CSMD1: variants seen among roughly 807,000 people sequenced by gnomAD.
The protein encoded by CSMD1 is CUB and Sushi multiple domains 1, also known as CUB and sushi domain-containing protein 1.
Under a neutral mutation model 417.5 loss-of-function variants are expected in CSMD1, and 213 were observed. The observed-to-expected ratio is 0.51, with a 90% confidence interval of 0.46 to 0.57. CSMD1 has a LOEUF of 0.57. CSMD1 is among the 20% of genes least tolerant of loss of function. The probability of loss-of-function intolerance (pLI) is 0.00; values close to 1 mark genes in which losing one functional copy is unlikely to be tolerated. For synonymous variants in CSMD1, 2,862 were observed against 1,736.8 expected, an observed-to-expected ratio of 1.65 and a Z score of -16.11; for missense variants, 6,923 against 4,529.7, an observed-to-expected ratio of 1.53 and a Z score of -15.17.
intron 1 of CSMD1, among the ~76,000 whole-genome samples, chr8:4,755,492 A>G (rs766685849): frequency 3.9e-5 from 6 of 152,106 alleles, no homozygotes; most frequent in Non-Finnish European, 4.4e-5. Context: ...TATTTTTGGC[A>G]TAACGTTAAA....
chr8:3,823,821 T>C (rs1445162037), intron 5 of CSMD1, among the ~76,000 whole-genome samples: 1 of 152,174 alleles, frequency 6.6e-6, no homozygotes, highest in African/African-American at 2.4e-5. Context: ...GACTTGATCA[T>C]AAAGATGGTA....
intron 3 of CSMD1, among the ~76,000 whole-genome samples, chr8:4,033,559 T>C (rs559393645): frequency 1.2e-3 from 189 of 152,324 alleles, no homozygotes; most frequent in African/African-American, 3.9e-3. Context: ...AGTGTATTGA[T>C]TGATGTCTTA....
In CSMD1 at chr8:4,747,062, C is replaced by G. The variant is rs114636568; in HGVS notation, c.86-109504G>C. 9.2e-5 allele frequency among the ~76,000 whole-genome samples: 14 copies of G among 152,218 alleles called. No homozygotes were observed. The East Asian group carries it at 2.7e-3, about 30-fold the overall frequency. ...GGGCCTCCCCACCAGAATGGATCAC[C>G]ATCCTCTGGGGCTAGAGCTGCCTGC... On this transcript the variant is annotated intron_variant, in intron 1 of 69. Coordinates refer to ENST00000635120, the MANE Select transcript of CSMD1 (RefSeq NM_033225.6).
intron 3 of CSMD1, among the ~76,000 whole-genome samples, chr8:4,322,315 G>A (rs557477364): frequency 6.8e-6 from 1 of 147,064 alleles, no homozygotes; most frequent in East Asian, 2.1e-4. Context: ...CATATTTGAA[G>A]AGAGTACTTT....
At chr8:3,480,894 C>T (rs13280581) in intron 11 of CSMD1, among the ~76,000 whole-genome samples, 70,820 of 151,630 alleles carry the variant, frequency 0.47, 17,007 homozygotes, top group Non-Finnish European at 0.53. Flanking sequence ...CAATGGCTCA[C>T]GCCTGTAATC....
intron 5 of CSMD1, among the ~76,000 whole-genome samples, chr8:3,844,578 G>A (rs760080477): frequency 6.6e-6 from 1 of 152,106 alleles, no homozygotes; most frequent in African/African-American, 2.4e-5. Context: ...AATAACTAGA[G>A]GCCAATGTCA....
intron 2 of CSMD1, among the ~76,000 whole-genome samples, chr8:4,606,055 G>A (rs1274010375): frequency 6.6e-6 from 1 of 152,170 alleles, no homozygotes; most frequent in Non-Finnish European, 1.5e-5. Flanking sequence ...TATTTTGGAA[G>A]CCTGAGAAGG....
intron 12 of CSMD1, among the ~76,000 whole-genome samples, chr8:3,437,206 C>G (rs1472652403): frequency 6.6e-6 from 1 of 152,106 alleles, no homozygotes; most frequent in South Asian, 2.1e-4. Context: ...CATAAAAATC[C>G]TGTCTGTTGC....
chr8:4,723,202 T>C (rs1023643237), intron 1 of CSMD1, among the ~76,000 whole-genome samples: 12 of 152,130 alleles, frequency 7.9e-5, no homozygotes, highest in East Asian at 7.7e-4. Context: ...CAGGAAGTCA[T>C]AGAGTATAAC....
chr8:4,773,870 C>A (rs1796717092), intron 1 of CSMD1, among the ~76,000 whole-genome samples: 1 of 152,078 alleles, frequency 6.6e-6, no homozygotes, highest in Non-Finnish European at 1.5e-5. Context: ...CTCACCAGTG[C>A]CCAAACTATT....
At chr8:3,573,229 G>C (rs1174748438) in intron 10 of CSMD1, among the ~76,000 whole-genome samples, 2 of 152,154 alleles carry the variant, frequency 1.3e-5, no homozygotes, top group African/African-American at 2.4e-5. Flanking sequence ...TAAGGTAAAT[G>C]CTATTACTAT....
In CSMD1 at chr8:4,312,646, G is replaced by T. The variant is rs189568185; in HGVS notation, c.415+107307C>A. Reference sequence around the variant, plus strand: ...AATCCCAACACTTTGGGAGGCCGAGGTGAGTGGATCACCTGAGGTCAGGAG... The same window carrying T: ...AATCCCAACACTTTGGGAGGCCGAGTTGAGTGGATCACCTGAGGTCAGGAG... On this transcript the variant is annotated intron_variant, in intron 3 of 69. Transcript: ENST00000635120. Among the ~76,000 whole-genome samples the T allele has an allele frequency of 2.0e-4, 30 of 151,982 alleles. No individual in the cohort carries two copies. In the East Asian group the frequency reaches 5.8e-3, roughly 30 times the overall value.
chr8:4,240,471 T>A (rs1285016273), intron 3 of CSMD1, among the ~76,000 whole-genome samples: 1 of 152,188 alleles, frequency 6.6e-6, no homozygotes, highest in African/African-American at 2.4e-5. Flanking sequence ...CAGATAACAA[T>A]CTAAAATAAG....
At chr8:4,125,792 G>C (rs1438252682) in intron 3 of CSMD1, among the ~76,000 whole-genome samples, 1 of 150,892 alleles carries the variant, frequency 6.6e-6, no homozygotes, top group African/African-American at 2.5e-5. Flanking sequence ...CTTATCAATT[G>C]ATCAATTGAT....
Position 4,636,875 on chromosome 8 carries a change from G to GT in CSMD1, c.302+466dup, listed in dbSNP as rs1158455413. On this transcript the variant is annotated intron_variant, in intron 2 of 69. Coordinates refer to ENST00000635120, the MANE Select transcript of CSMD1 (RefSeq NM_033225.6). The stretch of plus-strand genomic sequence containing the variant: ...AACTTTTCTGTCTTACAAGAGGATT[G>GT]TAAAATGCACCAATCAGCACTCTGT... Among the ~76,000 whole-genome samples the GT allele has an allele frequency of 2.9e-4, 44 of 152,220 alleles. 2 individuals are homozygous for GT. Among genetic ancestry groups the GT allele is most frequent in the Admixed American group, 2.0e-3 (31 of 15,286 alleles).
At chr8:4,306,809 C>A (rs565916677) in intron 3 of CSMD1, among the ~76,000 whole-genome samples, 2 of 148,862 alleles carry the variant, frequency 1.3e-5, no homozygotes, top group South Asian at 2.2e-4. Flanking sequence ...TCCATAGCAC[C>A]AATCAATCCC....
chr8:4,073,031 T>C (rs931711688), intron 3 of CSMD1, among the ~76,000 whole-genome samples: 5 of 152,348 alleles, frequency 3.3e-5, no homozygotes, highest in Non-Finnish European at 7.3e-5. Context: ...AATTATCACC[T>C]ATAAGTGTAG....
intron 3 of CSMD1, among the ~76,000 whole-genome samples, chr8:4,117,896 G>T (rs936186902): frequency 7.1e-6 from 1 of 140,488 alleles, no homozygotes; most frequent in Non-Finnish European, 1.5e-5. Context: ...GTAGAGGAAA[G>T]ACATTTAAAA....
intron 7 of CSMD1, among the ~76,000 whole-genome samples, chr8:3,688,455 C>G (rs369788777): frequency 2.0e-5 from 3 of 152,170 alleles, no homozygotes; most frequent in Admixed American, 6.5e-5. Context: ...GCAAATGACT[C>G]ATCCTACGTG....
Sources: gnomAD v4.1 joint callset for allele counts (sites outside exome capture counted in the v4.1 genomes callset) on GRCh38, gnomAD v4.1.1 for gene constraint, MANE v1.5 for transcripts, NCBI Gene and HGNC (gene_info 2026-07-23, HGNC 2026-07-21) for gene names.